Variants in DCX observed in about 807,000 individuals in gnomAD.
The protein encoded by DCX is neuronal migration protein doublecortin.
Under a neutral mutation model 20.9 loss-of-function variants are expected in DCX, and 4 were observed. The ratio of observed to expected loss-of-function variants is 0.19; its 90% CI spans 0.09 to 0.44. The LOEUF (loss-of-function observed/expected upper bound fraction) is 0.44. Ranked by LOEUF, DCX falls within the 20% of genes least tolerant of loss-of-function variation. DCX has a pLI of 0.99. For synonymous variants in DCX, 103 were observed against 111.4 expected, an observed-to-expected ratio of 0.92 and a Z score of 0.47; for missense variants, 133 against 296.9, an observed-to-expected ratio of 0.45 and a Z score of 4.06.
intron 3 of DCX, among the ~76,000 whole-genome samples, chrX:111,340,873 C>A (rs1265528531): frequency 9.0e-6 from 1 of 111,153 alleles, no homozygotes; most frequent in Non-Finnish European, 1.9e-5. Flanking sequence ...ACAAAAACCC[C>A]ATGTAAAGGT....
chrX:111,384,596 C>T (rs1217507002), intron 3 of DCX, among the ~76,000 whole-genome samples: 1 of 111,696 alleles, frequency 9.0e-6, no homozygotes, highest in Admixed American at 9.5e-5. Context: ...CTGCAAATAA[C>T]GGATGCATTG....
intron 3 of DCX, among the ~76,000 whole-genome samples, chrX:111,391,891 A>G (rs1455906383): frequency 9.0e-6 from 1 of 111,456 alleles, no homozygotes; most frequent in African/African-American, 3.3e-5. Context: ...AAATTGATAG[A>G]CTGGAATTCT....
chrX:111,312,760 A>G (rs2095060453), intron 5 of DCX, 24 bp from the exon 6 acceptor site: 13 of 1,193,652 alleles, frequency 1.1e-5, no homozygotes, highest in Non-Finnish European at 1.5e-5. Context: ...AGAGAAAAGG[A>G]AGGGATAAAA....
intron 3 of DCX, among the ~76,000 whole-genome samples, chrX:111,348,155 T>C (rs913072665): frequency 1.8e-5 from 2 of 111,817 alleles, no homozygotes; most frequent in African/African-American, 6.5e-5. Context: ...ATACTAGAAC[T>C]CAAGATTGTC....
chrX:111,358,270 T>A (rs1185959878), intron 3 of DCX, among the ~76,000 whole-genome samples: 1 of 112,541 alleles, frequency 8.9e-6, no homozygotes, highest in Non-Finnish European at 1.9e-5. Flanking sequence ...AGTTTCTCTA[T>A]ACTCTGCAAT....
intron 3 of DCX, among the ~76,000 whole-genome samples, chrX:111,343,846 G>A (rs1258847369): frequency 1.8e-5 from 2 of 111,039 alleles, no homozygotes; most frequent in Non-Finnish European, 3.8e-5. Context: ...GCTGGGCATG[G>A]TGGTGGGCAC....
chrX:111,317,348 G>T (rs1489460076), intron 5 of DCX, among the ~76,000 whole-genome samples: 1 of 111,347 alleles, frequency 9.0e-6, no homozygotes, highest in Non-Finnish European at 1.9e-5. Flanking sequence ...TTTAATAAAT[G>T]GTGCTAGGAT....
chrX:111,331,140 C>A lies in DCX; in HGVS notation c.809-99G>T, dbSNP rs1213035893. 4.1e-6 allele frequency: 4 copies of A among 971,753 alleles called. No individual in the cohort carries two copies. In the African/African-American group the frequency reaches 5.7e-5, roughly 14 times the overall value. 80.1% of individuals were successfully genotyped at this position (971,753 alleles called of 1,213,427 possible). On this transcript the variant is annotated intron_variant, in intron 4 of 6. Coordinates refer to ENST00000636035, the MANE Select transcript of DCX (RefSeq NM_001195553.2). ...CAATAACCATCACAGGCCAAAGGAC[C>A]TAAATGGGTCAGGACTACAATGTGG...
At chrX:111,374,540 G>A (rs1925372636) in intron 3 of DCX, among the ~76,000 whole-genome samples, 1 of 111,635 alleles carries the variant, frequency 9.0e-6, no homozygotes, top group South Asian at 3.8e-4. Flanking sequence ...GATATGCTCA[G>A]TTTTGCAGCA....
chrX:111,378,139 A>G (rs1925686083), intron 3 of DCX, among the ~76,000 whole-genome samples: 1 of 111,850 alleles, frequency 8.9e-6, no homozygotes, highest in Non-Finnish European at 1.9e-5. Context: ...AGGAGCATAG[A>G]AGTCAAACAA....
intron 3 of DCX, among the ~76,000 whole-genome samples, chrX:111,337,520 G>A (rs1034398190): frequency 4.5e-5 from 5 of 111,438 alleles, no homozygotes; most frequent in African/African-American, 9.8e-5. Context: ...AACAGATCAC[G>A]GTGTCAGAGA....
chrX:111,359,699 A>T (rs1290855422), intron 3 of DCX, among the ~76,000 whole-genome samples: 2 of 112,350 alleles, frequency 1.8e-5, no homozygotes, highest in Non-Finnish European at 3.8e-5. Flanking sequence ...GAAAATGGGC[A>T]AAATAAATAG....
intron 6 of DCX, among the ~76,000 whole-genome samples, chrX:111,303,235 C>A (rs1000224578): frequency 9.1e-6 from 1 of 109,417 alleles, no homozygotes; most frequent in Non-Finnish European, 1.9e-5. Context: ...TTACAGGCGC[C>A]CACCACCACG....
At chrX:111,393,057 T>C (rs1019380146) in intron 3 of DCX, among the ~76,000 whole-genome samples, 13 of 110,965 alleles carry the variant, frequency 1.2e-4, no homozygotes, top group Non-Finnish European at 2.1e-4. Flanking sequence ...TATTGTAGAG[T>C]ACTTGTATTG....
intron 3 of DCX, among the ~76,000 whole-genome samples, chrX:111,390,870 A>G (rs1353112984): frequency 9.1e-6 from 1 of 109,728 alleles, no homozygotes; most frequent in Non-Finnish European, 1.9e-5. Flanking sequence ...GTGGTGGTCC[A>G]TGCCTGTAGT....
At chrX:111,365,626 C>T (rs981508159) in intron 3 of DCX, among the ~76,000 whole-genome samples, 2 of 109,005 alleles carry the variant, frequency 1.8e-5, no homozygotes, top group Non-Finnish European at 3.8e-5. Flanking sequence ...CTTCCAGTCC[C>T]CCACTACCCT....
chrX:111,394,349 G>A (rs1216840949), intron 3 of DCX, among the ~76,000 whole-genome samples: 2 of 111,720 alleles, frequency 1.8e-5, no homozygotes, highest in African/African-American at 6.5e-5. Flanking sequence ...CGGAGAACTA[G>A]AGGGCAATGT....
intron 5 of DCX, among the ~76,000 whole-genome samples, chrX:111,318,046 G>T (rs915244156): frequency 2.8e-5 from 3 of 107,738 alleles, no homozygotes; most frequent in Non-Finnish European, 3.8e-5. Flanking sequence ...TTAGCTGGGT[G>T]TGGTGGCGTG....
intron 3 of DCX, among the ~76,000 whole-genome samples, chrX:111,366,183 C>T (rs1313755419): frequency 8.9e-6 from 1 of 111,988 alleles, no homozygotes; most frequent in African/African-American, 3.2e-5. Flanking sequence ...TATGTCTAAC[C>T]TTGGCCTTGA....
Sources: gnomAD v4.1 joint callset for allele counts (sites outside exome capture counted in the v4.1 genomes callset) on GRCh38, gnomAD v4.1.1 for gene constraint, MANE v1.5 for transcripts, NCBI Gene and HGNC (gene_info 2026-07-23, HGNC 2026-07-21) for gene names.